LTBP1: variants seen among roughly 807,000 people sequenced by gnomAD.
LTBP1 encodes latent transforming growth factor beta binding protein 1.
LTBP1 carries 129 observed loss-of-function variants against 207.6 expected under a neutral mutation model. That is an observed-to-expected ratio of 0.62 (90% confidence interval 0.54 to 0.72). The LOEUF (loss-of-function observed/expected upper bound fraction) is 0.72, where lower values mean the gene tolerates loss of function less well. Ranked by LOEUF, LTBP1 falls within the 30% of genes least tolerant of loss-of-function variation. LTBP1 has a pLI of 0.00. For missense variants in LTBP1, 2,281 were observed against 2,217.2 expected, an observed-to-expected ratio of 1.03 and a Z score of -0.58; for synonymous variants, 963 against 833.7, an observed-to-expected ratio of 1.16 and a Z score of -2.67.
chr2:33,278,056 T>C (rs1055790581), intron 18 of LTBP1, among the ~76,000 whole-genome samples: 3 of 151,502 alleles, frequency 2.0e-5, no homozygotes, highest in African/African-American at 7.3e-5. Context: ...ATGGTCTCGA[T>C]CTCCTGACCT....
intron 2 of LTBP1, among the ~76,000 whole-genome samples, chr2:32,955,437 A>G (rs898905596): frequency 1.3e-5 from 2 of 152,228 alleles, no homozygotes. Flanking sequence ...TGCCTTTTAA[A>G]AAAGATTTAA....
chr2:33,020,545 G>A (rs959416415), intron 2 of LTBP1, among the ~76,000 whole-genome samples: 1 of 152,124 alleles, frequency 6.6e-6, no homozygotes, highest in Admixed American at 6.6e-5. Flanking sequence ...TTTGGAGCTG[G>A]CTCACTTGGT....
At chr2:33,309,696 C>A in intron 23 of LTBP1, 140 bp downstream of exon 23, 3 of 961,934 alleles carry the variant, frequency 3.1e-6, no homozygotes, top group Non-Finnish European at 3.0e-6. Flanking sequence ...AAATAGCTGT[C>A]TTGGGTCCAC....
chr2:33,200,335 A>C (rs1487278567), intron 7 of LTBP1, among the ~76,000 whole-genome samples: 5 of 152,200 alleles, frequency 3.3e-5, no homozygotes, highest in Non-Finnish European at 5.9e-5. Context: ...ATCTACAACT[A>C]TCTGATCTTT....
In LTBP1 at chr2:32,947,538, C is replaced by T; in HGVS notation, c.214C>T (p.Pro72Ser). ...CCGCAGCTCGGCGGCTGCCGGCGCC[C>T]CCAGCCGTGCCTCCCCCGGGGTCCC... is the stretch of plus-strand genomic sequence containing the variant. ...YSRSSAAAGA[P>S]SRASPGVPSE... Residue 72 changes from proline (P) to serine (S), a missense_variant, in exon 1 of 34, where the codon CCC (proline) becomes TCC (serine). This residue lies in a region of LTBP1 where 555 missense variants were observed against 491.0 expected (regional missense o/e 1.13). Coordinates refer to ENST00000404816, the MANE Select transcript of LTBP1 (RefSeq NM_206943.4). 1 of 1,387,442 alleles carries T rather than the reference C, an allele frequency of 7.2e-7. No homozygotes were observed. The highest frequency in any genetic ancestry group is 1.5e-5 in the South Asian group (1 of 64,830). The allele number at this position is 1,387,442 out of a possible 1,614,324, so 85.9% of individuals were successfully genotyped here. A position where few individuals can be genotyped will look rare whatever the true frequency, so the allele number is the denominator to read the frequency against.
In LTBP1 at chr2:33,290,158, G is replaced by A. The variant is rs546403922; in HGVS notation, c.3113-3002G>A. 4.6e-5 allele frequency among the ~76,000 whole-genome samples: 7 copies of A among 152,222 alleles called. 1 individual carries two copies. In the East Asian group the frequency reaches 9.7e-4, roughly 21 times the overall value. ...TCACTTTATAACAATCCACTCTCTT[G>A]GGAACAATTTCATTCCCACGAGAAC... On this transcript the variant is annotated intron_variant, in intron 19 of 33. Coordinates refer to ENST00000404816, the MANE Select transcript of LTBP1 (RefSeq NM_206943.4).
At chr2:33,210,077 A>G (rs1208826779) in intron 7 of LTBP1, among the ~76,000 whole-genome samples, 3 of 152,152 alleles carry the variant, frequency 2.0e-5, no homozygotes, top group Non-Finnish European at 4.4e-5. Context: ...ATTGCTTTTC[A>G]CTGAGTTCAA....
At chr2:33,390,915 G>C (rs2095309482) in intron 32 of LTBP1, among the ~76,000 whole-genome samples, 2 of 152,128 alleles carry the variant, frequency 1.3e-5, no homozygotes, top group African/African-American at 4.8e-5. Context: ...TCCTAGCCAG[G>C]ACCCAGTTCT....
intron 3 of LTBP1, among the ~76,000 whole-genome samples, chr2:33,087,375 T>C (rs973487763): frequency 2.6e-5 from 4 of 152,132 alleles, no homozygotes; most frequent in African/African-American, 7.2e-5. Flanking sequence ...GCCTCACTTA[T>C]GTTCTATTTA....
intron 24 of LTBP1, among the ~76,000 whole-genome samples, chr2:33,334,832 G>A (rs777113609): frequency 7.9e-5 from 12 of 151,742 alleles, no homozygotes; most frequent in Non-Finnish European, 1.6e-4. Context: ...GCACTGGTTG[G>A]CCGAGGTGGG....
intron 10 of LTBP1, among the ~76,000 whole-genome samples, chr2:33,250,970 C>G (rs2092666383): frequency 6.6e-6 from 1 of 152,308 alleles, no homozygotes; most frequent in Middle Eastern, 3.4e-3. Context: ...CACCCACTGC[C>G]CAGGAGCCTG....
intron 2 of LTBP1, among the ~76,000 whole-genome samples, chr2:33,006,414 T>C (rs60824291): frequency 2.0e-5 from 3 of 147,500 alleles, no homozygotes; most frequent in South Asian, 4.4e-4. Context: ...GACAGAGTCT[T>C]GCTCTATCAC....
intron 9 of LTBP1, among the ~76,000 whole-genome samples, chr2:33,241,081 C>A (rs1170702203): frequency 6.6e-6 from 1 of 152,128 alleles, no homozygotes; most frequent in African/African-American, 2.4e-5. Flanking sequence ...GAAATCTAAT[C>A]TCTAATTTGT....
At chr2:32,999,198 C>A (rs34920948) in intron 2 of LTBP1, among the ~76,000 whole-genome samples, 10,467 of 152,274 alleles carry the variant, frequency 0.069, 468 homozygotes, top group South Asian at 0.19. Context: ...GCAGGGTTTC[C>A]GGCCCCACCT....
intron 2 of LTBP1, among the ~76,000 whole-genome samples, chr2:32,974,478 G>C (rs773573143): frequency 3.3e-5 from 5 of 152,122 alleles, no homozygotes; most frequent in Non-Finnish European, 7.4e-5. Flanking sequence ...ACATAGTCTT[G>C]TTATTAATCA....
rs1451489697 is a variant in LTBP1, at chr2:33,243,777, T to C, written c.1992T>C (p.Ser664=). 1 of 1,614,000 alleles carries C rather than the reference T, an allele frequency of 6.2e-7. No individual in the cohort carries two copies. Among genetic ancestry groups the C allele is most frequent in the East Asian group, 2.2e-5 (1 of 44,854 alleles). ...TTGGGCCGGATCCTACCTTTTCAAG[T>C]TGTGTTCGTAAGTAATAATCACTTT... ...IGFGPDPTFS[S]CVPDPPVISE... Residue 664 remains serine, a synonymous_variant, in exon 10 of 34, where the codon AGT becomes AGC. Transcript: ENST00000404816.
chr2:32,996,774 C>G (rs1014295377), intron 2 of LTBP1, among the ~76,000 whole-genome samples: 2 of 152,166 alleles, frequency 1.3e-5, no homozygotes, highest in South Asian at 2.1e-4. Context: ...GGTTGACTGT[C>G]TAACTTGCAA....
At position 33,243,797 on chromosome 2, in the gene LTBP1, C is replaced by G. The variant is rs2092418393; in HGVS notation, c.1999+13C>G. On this transcript the variant is annotated intron_variant, in intron 10 of 33. Transcript: ENST00000404816. ...TCAAGTTGTGTTCGTAAGTAATAAT[C>G]ACTTTTTATTCCTGTTTTGGATTAA... The G allele has an allele frequency of 1.2e-6, 2 of 1,613,398 alleles. No individual in the cohort carries two copies. Among genetic ancestry groups the G allele is most frequent in the South Asian group, 1.1e-5 (1 of 90,940 alleles).
intron 7 of LTBP1, among the ~76,000 whole-genome samples, chr2:33,209,357 A>C (rs1036155135): frequency 1.3e-5 from 2 of 152,188 alleles, no homozygotes; most frequent in Non-Finnish European, 2.9e-5. Context: ...GAAGGAGCAC[A>C]GTGAGCTCCA....
Sources: allele counts gnomAD v4.1 joint callset (sites outside exome capture counted in the v4.1 genomes callset), GRCh38; gene constraint gnomAD v4.1.1; regional missense constraint gnomAD v4.1.1; transcripts MANE v1.5; gene names NCBI Gene and HGNC (gene_info 2026-07-23, HGNC 2026-07-21).